The following KLHDC1 variants were observed in gnomAD, a reference collection of about 807,000 sequenced individuals.
KLHDC1 encodes the protein kelch domain-containing protein 1.
Under a neutral mutation model 68.3 loss-of-function variants are expected in KLHDC1, and 53 were observed. The observed-to-expected ratio is 0.78, with a 90% CI of 0.62 to 0.98. KLHDC1 has a LOEUF of 0.98. KLHDC1 is among the 50% of genes least tolerant of loss of function. KLHDC1 has a pLI of 0.00. For synonymous variants in KLHDC1, 148 were observed against 159.0 expected, an observed-to-expected ratio of 0.93 and a Z score of 0.52; for missense variants, 470 against 492.3, an observed-to-expected ratio of 0.95 and a Z score of 0.43.
At chr14:49,744,808 A>T (rs1378372909) in intron 12 of KLHDC1, among the ~76,000 whole-genome samples, 2 of 152,206 alleles carry the variant, frequency 1.3e-5, no homozygotes, top group Admixed American at 6.5e-5. Flanking sequence ...GAATCCACAG[A>T]GGAGGAACTT....
intron 12 of KLHDC1, among the ~76,000 whole-genome samples, chr14:49,749,974 C>T (rs1323600225): frequency 6.6e-6 from 1 of 151,886 alleles, no homozygotes; most frequent in East Asian, 1.9e-4. Flanking sequence ...GCAGGAGAAT[C>T]GCTTGAACCC....
chr14:49,695,507 A>G (rs544107419), intron 1 of KLHDC1, among the ~76,000 whole-genome samples: 2 of 152,194 alleles, frequency 1.3e-5, no homozygotes, highest in African/African-American at 4.8e-5. Flanking sequence ...TCAGTAAGCC[A>G]TGCTGTCAAA....
chr14:49,745,124 G>C lies in KLHDC1; in HGVS notation c.1034+1319G>C, dbSNP rs190024468. ...CATAAGTGAAGACATATGAGAAAGA[G>C]AGAGATAAAGAGAGGGGACAAGTTA... is the stretch of plus-strand genomic sequence containing the variant. On this transcript the variant is annotated intron_variant, in intron 12 of 12. Transcript: ENST00000359332. Among the ~76,000 whole-genome samples the C allele has an allele frequency of 3.3e-3, 504 of 152,298 alleles. 2 individuals carry two copies. The highest frequency in any genetic ancestry group is 4.0e-3 in the Non-Finnish European group (273 of 68,026).
rs149889161 is a variant in KLHDC1, at chr14:49,753,133, A to T, written c.*1361A>T. 172 of 152,296 alleles carry T rather than the reference A, an allele frequency of 1.1e-3. No individual in the cohort carries two copies. The highest frequency in any genetic ancestry group is 3.9e-3 in the African/African-American group (161 of 41,578). The allele number at this position is 152,296 out of a possible 1,614,324, so 9.4% of individuals were successfully genotyped here. On this transcript the variant is annotated 3_prime_UTR_variant, in exon 13 of 13. Transcript: ENST00000359332. Reference sequence around the variant, plus strand: ...TTTGTCAGTGTAAAGCAGTCATTAGAATTGATTATACAAAAAATATTTCAT... The same window carrying T: ...TTTGTCAGTGTAAAGCAGTCATTAGTATTGATTATACAAAAAATATTTCAT...
At chr14:49,698,216 T>G (rs982413236) in intron 1 of KLHDC1, among the ~76,000 whole-genome samples, 2 of 152,194 alleles carry the variant, frequency 1.3e-5, no homozygotes, top group African/African-American at 2.4e-5. Context: ...AAAATATTTT[T>G]CCCCTGAGAC....
At chr14:49,750,640 T>A (rs927005796) in intron 12 of KLHDC1, among the ~76,000 whole-genome samples, 20 of 152,308 alleles carry the variant, frequency 1.3e-4, no homozygotes, top group South Asian at 2.1e-4. Flanking sequence ...GTTAAAAAAA[T>A]TTTTAACACT....
At chr14:49,698,730 G>T (rs974735047) in intron 1 of KLHDC1, among the ~76,000 whole-genome samples, 13 of 150,972 alleles carry the variant, frequency 8.6e-5, no homozygotes, top group Admixed American at 8.6e-4. Flanking sequence ...TGGCCAGGCT[G>T]GTCTCAAACT....
At chr14:49,750,348 CTTTAATTTGTTGA>C (rs1267657234) in intron 12 of KLHDC1, among the ~76,000 whole-genome samples, 2 of 152,294 alleles carry the variant, frequency 1.3e-5, no homozygotes, top group African/African-American at 4.8e-5. Flanking sequence ...ACCTTTGTTT[CTTTAATTTGTTGA>C]GGACCTCAAG....
chr14:49,703,044 A>C (rs1887951770), intron 1 of KLHDC1, among the ~76,000 whole-genome samples: 1 of 151,918 alleles, frequency 6.6e-6, no homozygotes, highest in South Asian at 2.1e-4. Context: ...TCGTTTCTTA[A>C]AATTTTATTT....
At chr14:49,704,553 C>G (rs1288907313) in intron 1 of KLHDC1, among the ~76,000 whole-genome samples, 1 of 151,718 alleles carries the variant, frequency 6.6e-6, no homozygotes. Flanking sequence ...GCCACCATGC[C>G]CAGCTAATTT....
intron 6 of KLHDC1, among the ~76,000 whole-genome samples, chr14:49,727,638 T>C (rs1296271608): frequency 2.0e-5 from 3 of 152,150 alleles, no homozygotes; most frequent in Non-Finnish European, 4.4e-5. Context: ...TTCTATATAG[T>C]AGAAGAATTC....
chr14:49,724,871 G>T (rs1161102580), intron 5 of KLHDC1, among the ~76,000 whole-genome samples: 1 of 150,554 alleles, frequency 6.6e-6, no homozygotes, highest in Non-Finnish European at 1.5e-5. Context: ...GCTGGGTGTG[G>T]TGGCACATTT....
At chr14:49,703,310 G>C (rs1176878557) in intron 1 of KLHDC1, among the ~76,000 whole-genome samples, 3 of 150,418 alleles carry the variant, frequency 2.0e-5, no homozygotes, top group Non-Finnish European at 4.4e-5. Context: ...TATATTATTT[G>C]GTTTTGAATC....
chr14:49,699,890 T>A (rs1887852358), intron 1 of KLHDC1, among the ~76,000 whole-genome samples: 1 of 152,206 alleles, frequency 6.6e-6, no homozygotes, highest in South Asian at 2.1e-4. Flanking sequence ...CATTAAAAGT[T>A]GTGAATAGCT....
intron 10 of KLHDC1, among the ~76,000 whole-genome samples, chr14:49,735,856 T>G (rs1225431124): frequency 2.7e-5 from 4 of 150,228 alleles, no homozygotes; most frequent in African/African-American, 4.9e-5. Context: ...ACAGTTTTGG[T>G]TTTTTTTTAA....
rs111392637 is a variant in KLHDC1, at chr14:49,698,845, T to G, written c.96+5555T>G. On this transcript the variant is annotated intron_variant, in intron 1 of 12. Transcript: ENST00000359332. ...TGTCTGAATTTTTTGCATCTCGTTTTATTCTTGAAAATTGTGTAATTGATA... is the reference window on the plus strand; with the variant it reads ...TGTCTGAATTTTTTGCATCTCGTTTGATTCTTGAAAATTGTGTAATTGATA... Among the ~76,000 whole-genome samples the G allele has an allele frequency of 3.2e-3, 493 of 152,104 alleles. 2 individuals are homozygous for G. Among genetic ancestry groups the G allele is most frequent in the Non-Finnish European group, 5.4e-3 (369 of 67,992 alleles).
intron 1 of KLHDC1, among the ~76,000 whole-genome samples, chr14:49,704,494 A>G (rs1887996914): frequency 6.8e-6 from 1 of 147,190 alleles, no homozygotes; most frequent in African/African-American, 2.5e-5. Flanking sequence ...CCCAGGCTCA[A>G]GCAATTCTCG....
At chr14:49,717,809 C>T (rs561657470) in intron 4 of KLHDC1, among the ~76,000 whole-genome samples, 1 of 151,874 alleles carries the variant, frequency 6.6e-6, no homozygotes, top group African/African-American at 2.4e-5. Context: ...TTCTTGGGAG[C>T]GTTTTGATTA....
intron 1 of KLHDC1, among the ~76,000 whole-genome samples, chr14:49,693,748 C>CTTTTTTTTTTGTTTTTTTTTTTTTTT: frequency 1.6e-5 from 1 of 61,562 alleles, no homozygotes; most frequent in African/African-American, 5.4e-5. Context: ...TTTTCTTTTT[C>CTTTTTTTTTTGTTTTTTTTTTTTTTT]TTTTTTTTTT....
Sources: allele counts gnomAD v4.1 joint callset (sites outside exome capture counted in the v4.1 genomes callset), GRCh38; gene constraint gnomAD v4.1.1; transcripts MANE v1.5; gene names NCBI Gene and HGNC (gene_info 2026-07-23, HGNC 2026-07-21).